Variants in CRK observed in about 807,000 individuals in gnomAD.
The protein encoded by CRK is CRK proto-oncogene, adaptor protein.
A neutral mutation model predicts 29.8 loss-of-function variants in CRK; 4 were observed. The observed-to-expected ratio is 0.13, with a 90% CI of 0.07 to 0.31. The LOEUF (loss-of-function observed/expected upper bound fraction) is 0.31, where lower values mean the gene tolerates loss of function less well. Ranked by LOEUF, CRK falls within the 10% of genes least tolerant of loss-of-function variation. CRK has a pLI of 1.00. For missense variants in CRK, 274 were observed against 396.5 expected (o/e 0.69, Z 2.62); for synonymous variants, 153 against 164.9 (o/e 0.93, Z 0.55).
At chr17:1,434,285 G>C (rs2073870516) in intron 2 of CRK, among the ~76,000 whole-genome samples, 1 of 152,070 alleles carries the variant, frequency 6.6e-6, no homozygotes, top group Non-Finnish European at 1.5e-5. Context: ...AGTATTGGTG[G>C]AAAGCTGCCA....
At chr17:1,442,162 T>G (rs2073940295) in intron 1 of CRK, among the ~76,000 whole-genome samples, 1 of 151,074 alleles carries the variant, frequency 6.6e-6, no homozygotes, top group Non-Finnish European at 1.5e-5. Context: ...CGGCCTGTTT[T>G]TTTTTTTTTT....
At chr17:1,450,585 C>T (rs2074009906) in intron 1 of CRK, among the ~76,000 whole-genome samples, 1 of 151,912 alleles carries the variant, frequency 6.6e-6, no homozygotes, top group South Asian at 2.1e-4. Flanking sequence ...ACTGTGTAAA[C>T]AAAATATACT....
At chr17:1,429,093 C>T (rs2073812177) in intron 2 of CRK, among the ~76,000 whole-genome samples, 2 of 151,148 alleles carry the variant, frequency 1.3e-5, no homozygotes, top group Non-Finnish European at 3.0e-5. Context: ...GGTGATCCGC[C>T]CACCTTGGCC....
chr17:1,431,870 T>C (rs898853014), intron 2 of CRK, among the ~76,000 whole-genome samples: 2 of 152,226 alleles, frequency 1.3e-5, no homozygotes, highest in African/African-American at 4.8e-5. Context: ...CAAAGGAATG[T>C]ACTAATCAGT....
chr17:1,445,920 A>C (rs572652432), intron 1 of CRK, among the ~76,000 whole-genome samples: 1 of 152,270 alleles, frequency 6.6e-6, no homozygotes, highest in East Asian at 1.9e-4. Context: ...GTGCTCAGTT[A>C]AGTGTTGCTA....
At chr17:1,444,964 T>G (rs1179520038) in intron 1 of CRK, among the ~76,000 whole-genome samples, 1 of 151,522 alleles carries the variant, frequency 6.6e-6, no homozygotes, top group Non-Finnish European at 1.5e-5. Context: ...CTGGCTAACA[T>G]GGTGAAACCC....
In CRK at chr17:1,436,763, G is replaced by A; in HGVS notation, c.634C>T (p.Pro212Ser). ...GGCCCAGGCTCCGGCCCACCCAGTG[G>A]CTGTGGGTGGGAACCCTCCTGGTTA... ...GGNQEGSHPQ[P>S]LGGPEPGPYA... Residue 212 changes from proline (P) to serine (S), a missense_variant, in exon 2 of 3, where the codon CCA becomes TCA. Around this residue, in one of 3 missense-constraint regions of CRK, gnomAD observed 121 missense variants for 154.3 expected, o/e 0.78. Transcript: ENST00000300574. 6.3e-7 allele frequency: 1 copy of A among 1,588,336 alleles called. No individual in the cohort carries two copies. The highest frequency in any genetic ancestry group is 8.5e-7 in the Non-Finnish European group (1 of 1,169,716).
At chr17:1,433,949 C>T (rs568031040) in intron 2 of CRK, among the ~76,000 whole-genome samples, 268 of 151,914 alleles carry the variant, frequency 1.8e-3, no homozygotes, top group Non-Finnish European at 3.2e-3. Flanking sequence ...ATCCTCCCAC[C>T]TCAGCCTCCG....
chr17:1,446,669 G>C (rs554240187), intron 1 of CRK, among the ~76,000 whole-genome samples: 1 of 142,872 alleles, frequency 7.0e-6, no homozygotes, highest in South Asian at 2.2e-4. Context: ...TCGGCTCACT[G>C]CAAGCTCCGC....
intron 1 of CRK, among the ~76,000 whole-genome samples, chr17:1,452,769 G>A (rs541339449): frequency 8.7e-5 from 13 of 148,982 alleles, no homozygotes; most frequent in African/African-American, 2.7e-4. Context: ...CAGCGTGGGA[G>A]ACAAGAGTAA....
In CRK at chr17:1,423,041, G is replaced by A. The variant is rs2073742936; in HGVS notation, c.*472C>T. 1.0e-5 allele frequency: 4 copies of A among 400,338 alleles called. No individual in the cohort carries two copies. Among genetic ancestry groups the A allele is most frequent in the Non-Finnish European group, 1.8e-5 (4 of 227,000 alleles). 24.8% of individuals were successfully genotyped at this position (400,338 alleles called of 1,614,324 possible). A position where few individuals can be genotyped will look rare whatever the true frequency, so the allele number is the denominator to read the frequency against. On this transcript the variant is annotated 3_prime_UTR_variant, in exon 3 of 3. Coordinates refer to ENST00000300574, the MANE Select transcript of CRK (RefSeq NM_016823.4). ...ACACGCTGGTCATGCTCCATACAATGAAAGCAATCCTGCTTGATACTATTC... is the reference window on the plus strand; with the variant it reads ...ACACGCTGGTCATGCTCCATACAATAAAAGCAATCCTGCTTGATACTATTC...
intron 2 of CRK, among the ~76,000 whole-genome samples, chr17:1,428,425 G>C (rs1395134884): frequency 1.3e-5 from 2 of 149,088 alleles, no homozygotes; most frequent in African/African-American, 4.9e-5. Context: ...CCTTCTTTCA[G>C]ACTTCTAAGG....
chr17:1,440,028 G>A (rs967593262), intron 1 of CRK, among the ~76,000 whole-genome samples: 24 of 151,900 alleles, frequency 1.6e-4, no homozygotes, highest in African/African-American at 5.3e-4. Flanking sequence ...GGACAGGCGC[G>A]GTGGCTCACG....
chr17:1,450,860 G>A (rs1459715350), intron 1 of CRK, among the ~76,000 whole-genome samples: 2 of 151,596 alleles, frequency 1.3e-5, no homozygotes, highest in East Asian at 1.9e-4. Context: ...CACTCCAGAC[G>A]GGGCAACAAG....
At chr17:1,425,092 T>TTTTG (rs1438508937) in intron 2 of CRK, among the ~76,000 whole-genome samples, 5 of 151,942 alleles carry the variant, frequency 3.3e-5, no homozygotes, top group African/African-American at 1.2e-4. Flanking sequence ...TAAAGGTTTT[T>TTTTG]TTTGTTTGTT....
chr17:1,435,989 C>T (rs1598298234), intron 2 of CRK, among the ~76,000 whole-genome samples: 1 of 152,036 alleles, frequency 6.6e-6, no homozygotes, highest in Non-Finnish European at 1.5e-5. Flanking sequence ...AGTGGGCTGC[C>T]AAAGATATTT....
intron 2 of CRK, among the ~76,000 whole-genome samples, chr17:1,432,065 G>A (rs2073849031): frequency 6.6e-6 from 1 of 152,202 alleles, no homozygotes; most frequent in East Asian, 1.9e-4. Context: ...AGACTGATGA[G>A]TCTCACCACA....
At chr17:1,427,837 G>A (rs1367336883) in intron 2 of CRK, among the ~76,000 whole-genome samples, 1 of 151,800 alleles carries the variant, frequency 6.6e-6, no homozygotes, top group African/African-American at 2.4e-5. Flanking sequence ...GTCTCACCAT[G>A]CTGGGCAGGC....
chr17:1,453,482 T>C (rs964150910), intron 1 of CRK, among the ~76,000 whole-genome samples: 1 of 152,162 alleles, frequency 6.6e-6, no homozygotes, highest in Non-Finnish European at 1.5e-5. Flanking sequence ...GGCATCAAAG[T>C]AGAATATATC....
Sources: allele counts gnomAD v4.1 joint callset (sites outside exome capture counted in the v4.1 genomes callset), GRCh38; gene constraint gnomAD v4.1.1; regional missense constraint gnomAD v4.1.1; transcripts MANE v1.5; gene names NCBI Gene and HGNC (gene_info 2026-07-23, HGNC 2026-07-21).